DIAPH3: variants seen among roughly 807,000 people sequenced by gnomAD.
DIAPH3 encodes the protein diaphanous related formin 3.
A neutral mutation model predicts 144.3 loss-of-function variants in DIAPH3; 117 were observed. The observed-to-expected ratio is 0.81, with a 90% CI of 0.70 to 0.95. The LOEUF is 0.95. Ranked by LOEUF, DIAPH3 falls within the 40% of genes least tolerant of loss-of-function variation. The pLI is 0.00. For missense variants in DIAPH3, 1,421 were observed against 1,412.7 expected, an observed-to-expected ratio of 1.01 and a Z score of -0.09; for synonymous variants, 519 against 488.9, an observed-to-expected ratio of 1.06 and a Z score of -0.81.
chr13:59,739,567 T>C (rs1340565569), intron 27 of DIAPH3, among the ~76,000 whole-genome samples: 2 of 152,154 alleles, frequency 1.3e-5, no homozygotes, highest in Admixed American at 6.5e-5. Context: ...TTTTGTGAAC[T>C]GCTTTTACAT....
chr13:59,774,773 C>T lies in DIAPH3; in HGVS notation c.3214G>A (p.Gly1072Arg). 1.9e-6 allele frequency: 3 copies of T among 1,614,150 alleles called. No homozygotes were observed. Among genetic ancestry groups the T allele is most frequent in the Non-Finnish European group, 2.5e-6 (3 of 1,180,032 alleles). The change falls in exon 26 of 28, where the codon GGG becomes AGG. Residue 1072 changes from glycine (G) to arginine (R), a missense_variant. Physicochemically the swap from Gly to Arg is moderately radical, Grantham distance 125. Transcript: ENST00000400324. ...MDNLLEALQS[G>R]AAFRDRRKRT... ...TTTCTTCTGTCGCGGAAGGCAGCCC[C>T]GGACTGCAAGGCCTCCAGCAGATTA...
chr13:59,888,932 C>T (rs777180235), intron 20 of DIAPH3, among the ~76,000 whole-genome samples: 2 of 152,022 alleles, frequency 1.3e-5, no homozygotes, highest in Non-Finnish European at 2.9e-5. Flanking sequence ...CTGTTGACTT[C>T]TGCTGTCTAT....
chr13:59,919,454 C>A (rs1418829585), intron 18 of DIAPH3, among the ~76,000 whole-genome samples: 1 of 152,068 alleles, frequency 6.6e-6, no homozygotes, highest in Middle Eastern at 3.4e-3. Context: ...TTCCAGTATA[C>A]CTAACAGCAG....
intron 27 of DIAPH3, among the ~76,000 whole-genome samples, chr13:59,670,898 T>C (rs1340036011): frequency 6.6e-6 from 1 of 152,096 alleles, no homozygotes; most frequent in Non-Finnish European, 1.5e-5. Flanking sequence ...GTTCACTTTT[T>C]TAAAGCCTGG....
intron 7 of DIAPH3, chr13:60,013,113 G>T: frequency 1.0e-6 from 1 of 985,154 alleles, no homozygotes; most frequent in Non-Finnish European, 1.2e-6. Flanking sequence ...GACAAATTTT[G>T]AAAGGTCTAA....
At chr13:59,719,542 G>A (rs932037933) in intron 27 of DIAPH3, among the ~76,000 whole-genome samples, 1 of 151,960 alleles carries the variant, frequency 6.6e-6, no homozygotes, top group African/African-American at 2.4e-5. Flanking sequence ...GCAGCTATTG[G>A]AGAACACATT....
intron 12 of DIAPH3, among the ~76,000 whole-genome samples, chr13:59,986,727 C>A (rs2051409917): frequency 6.8e-6 from 1 of 147,922 alleles, no homozygotes; most frequent in South Asian, 2.2e-4. Context: ...TGAAAAAATG[C>A]TCATCATCAC....
intron 1 of DIAPH3, among the ~76,000 whole-genome samples, chr13:60,152,673 G>A (rs73203979): frequency 0.041 from 6,250 of 151,854 alleles, 183 homozygotes; most frequent in East Asian, 0.1. Flanking sequence ...AATGTTTTAA[G>A]CTTATTAGTG....
chr13:60,106,883 A>G (rs1170678569), intron 3 of DIAPH3, among the ~76,000 whole-genome samples: 5 of 152,168 alleles, frequency 3.3e-5, no homozygotes, highest in African/African-American at 1.2e-4. Flanking sequence ...GCAAACAGGG[A>G]TGTTCTACAA....
At chr13:59,845,612 C>G (rs2042587246) in intron 22 of DIAPH3, among the ~76,000 whole-genome samples, 1 of 152,184 alleles carries the variant, frequency 6.6e-6, no homozygotes. Flanking sequence ...TTCCCCTGCC[C>G]ATATCCCTCT....
intron 25 of DIAPH3, among the ~76,000 whole-genome samples, chr13:59,785,806 T>TAA (rs35347358): frequency 6.6e-6 from 1 of 152,126 alleles, no homozygotes; most frequent in Admixed American, 6.5e-5. Context: ...TATATGTACA[T>TAA]AAAGTATGGT....
At chr13:59,998,182 A>G (rs1594277614) in intron 9 of DIAPH3, among the ~76,000 whole-genome samples, 1 of 152,182 alleles carries the variant, frequency 6.6e-6, no homozygotes. Flanking sequence ...ACATTGACTC[A>G]GAGAAATAAA....
intron 4 of DIAPH3, among the ~76,000 whole-genome samples, chr13:60,086,072 C>T (rs965638162): frequency 6.6e-6 from 1 of 151,880 alleles, no homozygotes; most frequent in South Asian, 2.1e-4. Context: ...TTTTAAAAAA[C>T]GCTATAATAA....
At chr13:59,695,604 G>C (rs369057413) in intron 27 of DIAPH3, among the ~76,000 whole-genome samples, 12 of 152,278 alleles carry the variant, frequency 7.9e-5, no homozygotes, top group African/African-American at 2.9e-4. Flanking sequence ...TAACAAAGAA[G>C]AGAGATCTCC....
At chr13:59,805,320 C>T (rs2040136266) in intron 25 of DIAPH3, among the ~76,000 whole-genome samples, 1 of 151,922 alleles carries the variant, frequency 6.6e-6, no homozygotes, top group African/African-American at 2.4e-5. Flanking sequence ...TTAGCAAATG[C>T]CCTATTTGTG....
At chr13:60,102,114 T>C (rs1467549267) in intron 3 of DIAPH3, among the ~76,000 whole-genome samples, 1 of 152,192 alleles carries the variant, frequency 6.6e-6, no homozygotes, top group Non-Finnish European at 1.5e-5. Flanking sequence ...CACTACTATC[T>C]TTCCCTACCC....
chr13:60,055,723 TGAAA>T (rs1298974199), intron 4 of DIAPH3, among the ~76,000 whole-genome samples: 4 of 151,916 alleles, frequency 2.6e-5, no homozygotes, highest in Admixed American at 6.6e-5. Flanking sequence ...CTTATGTTTA[TGAAA>T]GAAAGAAATG....
chr13:59,890,356 G>A (rs1340666772), intron 20 of DIAPH3, among the ~76,000 whole-genome samples: 1 of 152,018 alleles, frequency 6.6e-6, no homozygotes, highest in Non-Finnish European at 1.5e-5. Flanking sequence ...CAAGCCAAAG[G>A]CTGAGTATTC....
chr13:60,090,405 A>G (rs540881522), intron 4 of DIAPH3, among the ~76,000 whole-genome samples: 20 of 151,948 alleles, frequency 1.3e-4, no homozygotes, highest in Admixed American at 1.2e-3. Flanking sequence ...AACCTTATCT[A>G]CGTTAGGCCT....
Sources: allele counts gnomAD v4.1 joint callset (sites outside exome capture counted in the v4.1 genomes callset), GRCh38; gene constraint gnomAD v4.1.1; transcripts MANE v1.5; gene names NCBI Gene and HGNC (gene_info 2026-07-23, HGNC 2026-07-21).